The following GLDC variants were observed in gnomAD, a reference collection of about 807,000 sequenced individuals.
GLDC encodes glycine dehydrogenase (decarboxylating), mitochondrial.
Under a neutral mutation model 121.3 loss-of-function variants are expected in GLDC, and 104 were observed. That is an observed-to-expected ratio of 0.86 (90% CI 0.73 to 1.01). GLDC has a LOEUF of 1.01. Ranked by LOEUF, GLDC falls within the 50% of genes least tolerant of loss-of-function variation. The probability of loss-of-function intolerance (pLI) is 0.00; values close to 1 mark genes in which losing one functional copy is unlikely to be tolerated. For synonymous variants in GLDC, 546 were observed against 480.6 expected (o/e 1.14, Z -1.78); for missense variants, 1,429 against 1,306.6 (o/e 1.09, Z -1.44).
intron 16 of GLDC, among the ~76,000 whole-genome samples, chr9:6,560,376 C>T (rs1817727479): frequency 6.6e-6 from 1 of 152,258 alleles, no homozygotes; most frequent in Admixed American, 6.5e-5. Flanking sequence ...CAAACATGAA[C>T]TACTTTGCAC....
At position 6,636,903 on chromosome 9, in the gene GLDC, G is replaced by T. The variant is rs140310277; in HGVS notation, c.334+7711C>A. On this transcript the variant is annotated intron_variant, in intron 2 of 24. Coordinates refer to ENST00000321612, the MANE Select transcript of GLDC (RefSeq NM_000170.3). ...GTTCAAGACCAGCCTGACCAATACG[G>T]TGAAAGCCCATCTCAACTAAAAATA... Among the ~76,000 whole-genome samples the T allele has an allele frequency of 2.0e-3, 301 of 152,084 alleles. 1 individual carries two copies. The highest frequency in any genetic ancestry group is 7.0e-3 in the African/African-American group (292 of 41,464).
chr9:6,563,306 G>A (rs1468511982), intron 16 of GLDC, among the ~76,000 whole-genome samples: 4 of 152,220 alleles, frequency 2.6e-5, no homozygotes, highest in Non-Finnish European at 5.9e-5. Flanking sequence ...GCATTACTGC[G>A]TGGAAAGAAT....
chr9:6,576,265 G>C (rs1818062463), intron 15 of GLDC, among the ~76,000 whole-genome samples: 1 of 152,160 alleles, frequency 6.6e-6, no homozygotes, highest in African/African-American at 2.4e-5. Context: ...TTAGTGTCTA[G>C]TGAGGGCGCA....
intron 2 of GLDC, among the ~76,000 whole-genome samples, chr9:6,626,108 C>A (rs1324307341): frequency 6.6e-6 from 1 of 151,436 alleles, no homozygotes; most frequent in Non-Finnish European, 1.5e-5. Context: ...TGCTTGCAGA[C>A]TTTTGGAAGG....
intron 6 of GLDC, 36 bp downstream of exon 6, chr9:6,605,095 G>A (rs772054589): frequency 6.9e-6 from 11 of 1,587,094 alleles, no homozygotes; most frequent in East Asian, 6.7e-5. Context: ...GTTGGGATAC[G>A]CCTCCACGGA....
intron 2 of GLDC, among the ~76,000 whole-genome samples, chr9:6,629,929 C>CTATATATATATATATATA (rs771840710): frequency 9.8e-6 from 1 of 102,168 alleles, no homozygotes; most frequent in African/African-American, 4.8e-5. Context: ...TTGCTTTTCA[C>CTATATATATATATATATA]TATATATATA....
rs375540813 is a variant in GLDC at position 6,633,365 on chromosome 9, G to A, written c.334+11249C>T. Among the ~76,000 whole-genome samples, 33 of 152,052 alleles carry A rather than the reference G, an allele frequency of 2.2e-4. No individual in the cohort carries two copies. The South Asian group carries it at 5.6e-3, about 26-fold the overall frequency. On this transcript the variant is annotated intron_variant, in intron 2 of 24. Transcript: ENST00000321612. Reference sequence around the variant, plus strand: ...TTTCACTAATTCTCATGAATTTGTCGGAAAACTCACTAAATCTGCAACTCC... The same window carrying A: ...TTTCACTAATTCTCATGAATTTGTCAGAAAACTCACTAAATCTGCAACTCC...
At position 6,558,585 on chromosome 9, in the gene GLDC, T is replaced by A; in HGVS notation, c.2026A>T (p.Ile676Phe). The change falls in exon 17 of 25, where the codon ATC becomes TTC. Residue 676 changes from isoleucine (I) to phenylalanine (F), a missense_variant. Ile to Phe is a conservative substitution (Grantham distance 21, BLOSUM62 0). Coordinates refer to ENST00000321612, the MANE Select transcript of GLDC (RefSeq NM_000170.3). Reference sequence around the variant, plus strand: ...ATGGCCTTGAGGTGAACTGCATCGATATTCCCATATTTATCCACCTCCACA... The same window carrying A: ...ATGGCCTTGAGGTGAACTGCATCGAAATTCCCATATTTATCCACCTCCACA... ...QPVEVDKYGN[I>F]DAVHLKAMVD... is the part of the protein sequence containing the mutation. The A allele has an allele frequency of 6.2e-7, 1 of 1,614,242 alleles. No homozygotes were observed. The highest frequency in any genetic ancestry group is 8.5e-7 in the Non-Finnish European group (1 of 1,180,036).
rs3215923 is a variant in GLDC at position 6,553,514 on chromosome 9, AT to A, written c.2316-6del. On this transcript the variant is annotated splice_region_variant and splice_polypyrimidine_tract_variant and intron_variant, in intron 19 of 24. Coordinates refer to ENST00000321612, the MANE Select transcript of GLDC (RefSeq NM_000170.3). The stretch of plus-strand genomic sequence containing the variant: ...AACGGGGCGAGATGTTTCTTCCTGT[AT>A]TTTTTTTAAGTGCAAATTCAGAAAA... 517 of 1,601,212 alleles carry A rather than the reference AT, an allele frequency of 3.2e-4. 1 individual carries two copies. The highest frequency in any genetic ancestry group is 3.8e-4 in the Non-Finnish European group (445 of 1,169,070).
At chr9:6,574,244 G>A (rs1328473227) in intron 15 of GLDC, among the ~76,000 whole-genome samples, 1 of 152,146 alleles carries the variant, frequency 6.6e-6, no homozygotes, top group Non-Finnish European at 1.5e-5. Context: ...TCGGGAGGCA[G>A]ATCACCTGAG....
At chr9:6,632,246 T>C (rs1028609293) in intron 2 of GLDC, among the ~76,000 whole-genome samples, 19 of 152,326 alleles carry the variant, frequency 1.2e-4, no homozygotes, top group African/African-American at 4.3e-4. Context: ...TGATGATGAA[T>C]CAATGCATAA....
At position 6,550,782 on chromosome 9, in the gene GLDC, T is replaced by C. The variant is rs762937238; in HGVS notation, c.2569+21A>G. 2.7e-5 allele frequency: 40 copies of C among 1,501,130 alleles called. No homozygotes were observed. The East Asian group carries it at 9.0e-4, about 34-fold the overall frequency. The allele number at this position is 1,501,130 out of a possible 1,614,324, so 93.0% of individuals were successfully genotyped here. On this transcript the variant is annotated intron_variant, in intron 21 of 24. Coordinates refer to ENST00000321612, the MANE Select transcript of GLDC (RefSeq NM_000170.3). ...GCCAAGAAAAAAACCAAAGTAATGA[T>C]AGATTAAAGTTGATACTTGCCTCTT...
intron 15 of GLDC, among the ~76,000 whole-genome samples, chr9:6,586,349 T>C (rs891928104): frequency 1.6e-4 from 25 of 152,102 alleles, no homozygotes; most frequent in African/African-American, 5.8e-4. Flanking sequence ...TCTCACCCCC[T>C]GGAGGTTATG....
chr9:6,637,752 C>T (rs186153166), intron 2 of GLDC, among the ~76,000 whole-genome samples: 1 of 152,242 alleles, frequency 6.6e-6, no homozygotes, highest in African/African-American at 2.4e-5. Context: ...CAGGCATGAG[C>T]CACTGTGCCC....
chr9:6,534,580 C>A (rs1341416155), intron 24 of GLDC, 128 bp downstream of exon 24: 5 of 682,074 alleles, frequency 7.3e-6, no homozygotes, highest in South Asian at 3.0e-5. Context: ...CATTCCTCTT[C>A]AAGACCCTTA....
At chr9:6,641,285 T>TTC (rs1345299730) in intron 2 of GLDC, among the ~76,000 whole-genome samples, 1 of 152,234 alleles carries the variant, frequency 6.6e-6, no homozygotes, top group African/African-American at 2.4e-5. Context: ...CCGTGACCCC[T>TTC]TCCCTTGCCC....
chr9:6,576,881 T>A (rs889029346), intron 15 of GLDC, among the ~76,000 whole-genome samples: 3 of 152,208 alleles, frequency 2.0e-5, no homozygotes, highest in African/African-American at 7.2e-5. Context: ...TAAATCTCAT[T>A]CACTTTTCTG....
At chr9:6,579,860 G>A (rs564224377) in intron 15 of GLDC, among the ~76,000 whole-genome samples, 1 of 152,204 alleles carries the variant, frequency 6.6e-6, no homozygotes, top group Non-Finnish European at 1.5e-5. Flanking sequence ...CCAGTGAAGT[G>A]TGCAACTAAA....
At chr9:6,593,673 T>C (rs1046046683) in intron 9 of GLDC, among the ~76,000 whole-genome samples, 2 of 151,114 alleles carry the variant, frequency 1.3e-5, no homozygotes. Context: ...AACATATGGA[T>C]GAACCATGAT....
Sources: gnomAD v4.1 joint callset for allele counts (sites outside exome capture counted in the v4.1 genomes callset) on GRCh38, gnomAD v4.1.1 for gene constraint, MANE v1.5 for transcripts, NCBI Gene and HGNC (gene_info 2026-07-23, HGNC 2026-07-21) for gene names.